FAM135A: variants seen among roughly 807,000 people sequenced by gnomAD.
The protein encoded by FAM135A is protein FAM135A.
In FAM135A, 79 loss-of-function variants were observed where a neutral mutation model predicts 146.8. That is an observed-to-expected ratio of 0.54 (90% CI 0.45 to 0.65). FAM135A has a LOEUF of 0.65. Ranked by LOEUF, FAM135A falls within the 30% of genes least tolerant of loss-of-function variation. The pLI is 0.00. For synonymous variants in FAM135A, 562 were observed against 603.6 expected (o/e 0.93, Z 1.01); for missense variants, 1,623 against 1,758.2 (o/e 0.92, Z 1.38).
chr6:70,462,756 T>G (rs1157420205), intron 5 of FAM135A, among the ~76,000 whole-genome samples: 1 of 152,144 alleles, frequency 6.6e-6, no homozygotes, highest in Non-Finnish European at 1.5e-5. Context: ...CTACCCAGCT[T>G]TTAGGTAGGT....
chr6:70,435,360 C>T (rs1182889189), intron 4 of FAM135A, among the ~76,000 whole-genome samples: 4 of 152,030 alleles, frequency 2.6e-5, no homozygotes, highest in Non-Finnish European at 1.5e-5. Flanking sequence ...CCTCCTCGGC[C>T]TCCCAAAGTG....
chr6:70,482,207 C>G, intron 10 of FAM135A, 53 bp downstream of exon 10: 1 of 1,544,010 alleles, frequency 6.5e-7, no homozygotes, highest in Non-Finnish European at 8.8e-7. Context: ...TCTCTTCAGT[C>G]TTATATTGCT....
chr6:70,467,220 G>T (rs1780643496), intron 5 of FAM135A, among the ~76,000 whole-genome samples: 1 of 151,564 alleles, frequency 6.6e-6, no homozygotes, highest in African/African-American at 2.4e-5. Flanking sequence ...TTTTTTCTTT[G>T]GAATCTTGAA....
At chr6:70,466,458 A>G (rs969953398) in intron 5 of FAM135A, among the ~76,000 whole-genome samples, 1 of 152,188 alleles carries the variant, frequency 6.6e-6, no homozygotes. Context: ...AAATATCGCT[A>G]TTATTAAAAG....
intron 5 of FAM135A, 125 bp from the exon 6 acceptor site, chr6:70,475,285 C>A: frequency 1.5e-6 from 1 of 677,336 alleles, no homozygotes. Flanking sequence ...TCCAATACTG[C>A]AGTATAAATT....
At chr6:70,475,304 C>A in intron 5 of FAM135A, 106 bp from the exon 6 acceptor site, 2 of 889,636 alleles carry the variant, frequency 2.2e-6, no homozygotes, top group South Asian at 1.8e-5. Context: ...TTGATAATGA[C>A]ACTATAGTAA....
chr6:70,458,653 C>T (rs1410279846), intron 5 of FAM135A, among the ~76,000 whole-genome samples: 1 of 152,082 alleles, frequency 6.6e-6, no homozygotes, highest in African/African-American at 2.4e-5. Flanking sequence ...CCAGAATAGC[C>T]TCTATCTTAT....
At chr6:70,531,888 CTTTTTTTTT>C (rs869128532) in intron 16 of FAM135A, among the ~76,000 whole-genome samples, 2 of 85,716 alleles carry the variant, frequency 2.3e-5, no homozygotes, top group Admixed American at 1.4e-4. Context: ...AAACTGATTT[CTTTTTTTTT>C]TTTTTTTTTT....
chr6:70,450,803 A>G (rs1039412483), intron 4 of FAM135A, among the ~76,000 whole-genome samples: 2 of 119,168 alleles, frequency 1.7e-5, no homozygotes, highest in African/African-American at 6.4e-5. Flanking sequence ...GTGCAGTGGT[A>G]TGATCTCAGC....
chr6:70,446,441 T>C (rs923366519), intron 4 of FAM135A, among the ~76,000 whole-genome samples: 4 of 152,154 alleles, frequency 2.6e-5, no homozygotes, highest in Non-Finnish European at 5.9e-5. Context: ...AAGCTAAACA[T>C]CCCCTTAGGG....
intron 12 of FAM135A, chr6:70,513,477 C>G (rs1455666462): frequency 1.3e-5 from 2 of 150,498 alleles, no homozygotes; most frequent in East Asian, 3.9e-4. Flanking sequence ...ACCTCCTTAA[C>G]CATATTGATT....
intron 11 of FAM135A, among the ~76,000 whole-genome samples, chr6:70,500,124 G>T (rs1023243631): frequency 6.6e-6 from 1 of 152,132 alleles, no homozygotes; most frequent in Admixed American, 6.5e-5. Flanking sequence ...CCAATCAATC[G>T]TAGGTTTGGT....
chr6:70,450,274 G>C (rs547734959), intron 4 of FAM135A, among the ~76,000 whole-genome samples: 16 of 152,076 alleles, frequency 1.1e-4, no homozygotes, highest in African/African-American at 3.4e-4. Context: ...TTAATTTGGC[G>C]TAATCTTATT....
chr6:70,473,735 G>T (rs979419299), intron 5 of FAM135A, among the ~76,000 whole-genome samples: 5 of 152,070 alleles, frequency 3.3e-5, no homozygotes, highest in African/African-American at 1.2e-4. Context: ...CCTCAGTAAG[G>T]CCTTGTGCCA....
At chr6:70,437,305 C>T (rs563156907) in intron 4 of FAM135A, among the ~76,000 whole-genome samples, 11 of 152,002 alleles carry the variant, frequency 7.2e-5, no homozygotes, top group African/African-American at 1.2e-4. Flanking sequence ...TAAGTATAGA[C>T]GTTTCTTCAT....
intron 12 of FAM135A, among the ~76,000 whole-genome samples, chr6:70,511,577 A>T (rs531719649): frequency 4.3e-5 from 5 of 115,370 alleles, no homozygotes; most frequent in South Asian, 2.7e-4. Context: ...TTGATTTTTT[A>T]AAAAATTGAG....
intron 4 of FAM135A, among the ~76,000 whole-genome samples, chr6:70,450,723 T>TG (rs1776867367): frequency 7.5e-5 from 4 of 53,258 alleles, no homozygotes; most frequent in East Asian, 9.0e-4. Flanking sequence ...GTTGTTTTTT[T>TG]TTTTTTTTTT....
At chr6:70,510,082 A>G (rs1166067693) in intron 12 of FAM135A, among the ~76,000 whole-genome samples, 2 of 152,042 alleles carry the variant, frequency 1.3e-5, no homozygotes, top group Non-Finnish European at 2.9e-5. Flanking sequence ...TGCTGCATTC[A>G]CTGGAATTAA....
intron 5 of FAM135A, among the ~76,000 whole-genome samples, chr6:70,459,996 A>G (rs1157516365): frequency 6.6e-6 from 1 of 152,160 alleles, no homozygotes; most frequent in Non-Finnish European, 1.5e-5. Context: ...GCATCACTGC[A>G]CTCCAGCCTG....
Sources: allele counts gnomAD v4.1 joint callset (sites outside exome capture counted in the v4.1 genomes callset), GRCh38; gene constraint gnomAD v4.1.1; transcripts MANE v1.5; gene names NCBI Gene and HGNC (gene_info 2026-07-23, HGNC 2026-07-21).